The following TIMM44 variants were observed in gnomAD, a reference collection of about 807,000 sequenced individuals.
The protein encoded by TIMM44 is mitochondrial import inner membrane translocase subunit TIM44.
A neutral mutation model predicts 63.8 loss-of-function variants in TIMM44; 37 were observed. The ratio of observed to expected loss-of-function variants is 0.58; its 90% CI spans 0.45 to 0.76. TIMM44 has a LOEUF of 0.76. Ranked by LOEUF, TIMM44 falls within the 30% of genes least tolerant of loss-of-function variation. The pLI is 0.00. For synonymous variants in TIMM44, 239 were observed against 245.1 expected, an observed-to-expected ratio of 0.98 and a Z score of 0.23; for missense variants, 573 against 603.8, an observed-to-expected ratio of 0.95 and a Z score of 0.54.
intron 2 of TIMM44, among the ~76,000 whole-genome samples, chr19:7,940,019 T>G (rs990171943): frequency 6.6e-6 from 1 of 152,154 alleles, no homozygotes. Flanking sequence ...GTATACCAGC[T>G]CCAGGTGGGA....
In TIMM44 at chr19:7,942,999, C is replaced by T. The variant is rs944080830; in HGVS notation, c.45+608G>A. On this transcript the variant is annotated intron_variant, in intron 1 of 12. Transcript: ENST00000270538. ...AAGTTGCAGTGAGCCGAGATCGCGC[C>T]ATTGCACTCCAGACTGGGCGACAAG... 8.4e-5 allele frequency among the ~76,000 whole-genome samples: 12 copies of T among 143,118 alleles called. No individual in the cohort carries two copies. In the East Asian group the frequency reaches 2.4e-3, roughly 28 times the overall value. 93.9% of individuals were successfully genotyped at this position (143,118 alleles called of 152,430 possible).
At position 7,933,356 on chromosome 19, in the gene TIMM44, G is replaced by A. The variant is rs558581396; in HGVS notation, c.769+129C>T. On this transcript the variant is annotated intron_variant, in intron 7 of 12. Coordinates refer to ENST00000270538, the MANE Select transcript of TIMM44 (RefSeq NM_006351.4). This position sits in a 1 kb window ranked among gnomAD's most constrained non-coding sequence, Gnocchi z 4.3. ...ATCATGTGACCGCAAAGAAGTGACC[G>A]GCCCACTCTGACCCCGATCTCCTCC... 23 of 856,640 alleles carry A rather than the reference G, an allele frequency of 2.7e-5. No individual in the cohort carries two copies. Among genetic ancestry groups the A allele is most frequent in the East Asian group, 1.7e-4 (7 of 41,520 alleles). The allele number at this position is 856,640 out of a possible 1,614,324, so 53.1% of individuals were successfully genotyped here.
chr19:7,932,758 G>A lies in TIMM44; in HGVS notation c.863-7C>T, dbSNP rs1446122391. The A allele has an allele frequency of 6.2e-7, 1 of 1,614,078 alleles. No homozygotes were observed. The highest frequency in any genetic ancestry group is 8.5e-7 in the Non-Finnish European group (1 of 1,179,990). On this transcript the variant is annotated splice_region_variant and splice_polypyrimidine_tract_variant and intron_variant, in intron 8 of 12. Transcript: ENST00000270538. ...GTCTTGGAGAACAGGCCCCCTGCAG[G>A]GAGCAGAGCCGGGAGTTCGGGGGGA...
At position 7,934,311 on chromosome 19, in the gene TIMM44, A is replaced by T; in HGVS notation, c.394-73T>A. On this transcript the variant is annotated intron_variant, in intron 4 of 12. Coordinates refer to ENST00000270538, the MANE Select transcript of TIMM44 (RefSeq NM_006351.4). This position sits in a 1 kb window ranked among gnomAD's most constrained non-coding sequence, Gnocchi z 5.3. ...CCGGGGGGCGGGGCAGGAGGAATGA[A>T]TTCCTGCCGGAGAGAAGGGCGGATC... 1 of 1,574,684 alleles carries T rather than the reference A, an allele frequency of 6.4e-7. No individual in the cohort carries two copies. The highest frequency in any genetic ancestry group is 2.2e-5 in the East Asian group (1 of 44,730).
chr19:7,937,344 G>T (rs1984184798), intron 3 of TIMM44, among the ~76,000 whole-genome samples: 1 of 152,230 alleles, frequency 6.6e-6, no homozygotes, highest in Non-Finnish European at 1.5e-5. Context: ...GAGGGCTACA[G>T]CTGGGAGCTC....
Position 7,933,425 on chromosome 19 carries a change from C to G in TIMM44, c.769+60G>C, listed in dbSNP as rs781472835. 7 of 1,482,800 alleles carry G rather than the reference C, an allele frequency of 4.7e-6. No homozygotes were observed. Among genetic ancestry groups the G allele is most frequent in the Non-Finnish European group, 6.6e-6 (7 of 1,060,104 alleles). The allele number at this position is 1,482,800 out of a possible 1,614,324, so 91.9% of individuals were successfully genotyped here. A position where few individuals can be genotyped will look rare whatever the true frequency, so the allele number is the denominator to read the frequency against. The stretch of plus-strand genomic sequence containing the variant: ...CTTGTGCCCAATGCAGGGGGATCAC[C>G]TTGCGGTCCACCAACTGCCCGGGAC... On this transcript the variant is annotated intron_variant, in intron 7 of 12. Transcript: ENST00000270538. This position sits in a 1 kb window ranked among gnomAD's most constrained non-coding sequence, Gnocchi z 4.3.
chr19:7,927,327 G>A lies in TIMM44; in HGVS notation c.1240-21C>T, dbSNP rs535883051. 2.9e-5 allele frequency: 46 copies of A among 1,608,246 alleles called. No homozygotes were observed. The South Asian group carries it at 4.4e-4, about 15-fold the overall frequency. On this transcript the variant is annotated intron_variant, in intron 12 of 12. Coordinates refer to ENST00000270538, the MANE Select transcript of TIMM44 (RefSeq NM_006351.4). ...TTGTCCTGCAGGGTGGGGTGGGAAG[G>A]GCACTGTTGAGAGGGTTGAGGTGAC...
In TIMM44 at chr19:7,934,259, A is replaced by G. The variant is rs751731953; in HGVS notation, c.394-21T>C. ...AGGCTCTACTGAGACAGACACAGAG[A>G]GGGGGCGTTGGCACCGGCCCTGGCG... is the stretch of plus-strand genomic sequence containing the variant. On this transcript the variant is annotated intron_variant, in intron 4 of 12. Coordinates refer to ENST00000270538, the MANE Select transcript of TIMM44 (RefSeq NM_006351.4). This position sits in a 1 kb window ranked among gnomAD's most constrained non-coding sequence, Gnocchi z 5.3. 1 of 1,609,712 alleles carries G rather than the reference A, an allele frequency of 6.2e-7. No individual in the cohort carries two copies. Among genetic ancestry groups the G allele is most frequent in the Non-Finnish European group, 8.5e-7 (1 of 1,179,918 alleles).
chr19:7,932,486 A>C, intron 9 of TIMM44, 141 bp downstream of exon 9: 1 of 1,204,086 alleles, frequency 8.3e-7, no homozygotes, highest in South Asian at 1.4e-5. Flanking sequence ...GCCGGGCAGG[A>C]GCCCGTGTGC....
At chr19:7,927,548 C>T in intron 12 of TIMM44, 109 bp downstream of exon 12, 4 of 1,232,934 alleles carry the variant, frequency 3.2e-6, no homozygotes, top group Non-Finnish European at 4.7e-6. Flanking sequence ...CATCCCCACC[C>T]AGTCCCAGAG....
Position 7,934,283 on chromosome 19 carries a change from C to A in TIMM44, c.394-45G>T. ...GAGGGGGCGTTGGCACCGGCCCTGG[C>A]GGCCGGGGGGCGGGGCAGGAGGAAT... is the stretch of plus-strand genomic sequence containing the variant. On this transcript the variant is annotated intron_variant, in intron 4 of 12. Transcript: ENST00000270538. This position sits in a 1 kb window ranked among gnomAD's most constrained non-coding sequence, Gnocchi z 5.3. 2 of 1,604,596 alleles carry A rather than the reference C, an allele frequency of 1.2e-6. No individual in the cohort carries two copies. Among genetic ancestry groups the A allele is most frequent in the Non-Finnish European group, 8.5e-7 (1 of 1,179,120 alleles).
chr19:7,933,186 T>TAACATATG lies in TIMM44; in HGVS notation c.770-255_770-254insCATATGTT, dbSNP rs1984038235. Among the ~76,000 whole-genome samples, 6 of 152,274 alleles carry TAACATATG rather than the reference T, an allele frequency of 3.9e-5. No individual in the cohort carries two copies. Among genetic ancestry groups the TAACATATG allele is most frequent in the Middle Eastern group, 3.4e-3 (1 of 294 alleles). On this transcript the variant is annotated intron_variant, in intron 7 of 12. Coordinates refer to ENST00000270538, the MANE Select transcript of TIMM44 (RefSeq NM_006351.4). The surrounding 1 kb of genome is among the most constrained non-coding windows in gnomAD (Gnocchi z 4.3). ...TGTAAGTTATGGGCCGCCACCCCAC[T>TAACATATG]GGCTGTTGCTTTCACTACAAAGGAA...
chr19:7,932,455 A>G (rs1344401709), intron 9 of TIMM44, 172 bp downstream of exon 9: 6 of 878,240 alleles, frequency 6.8e-6, no homozygotes, highest in Non-Finnish European at 1.0e-5. Context: ...GGCTTCGGGC[A>G]CAGCTCATGG....
intron 10 of TIMM44, among the ~76,000 whole-genome samples, chr19:7,929,139 G>T (rs867046196): frequency 1.3e-5 from 2 of 152,158 alleles, no homozygotes; most frequent in Admixed American, 6.5e-5. Flanking sequence ...ACAGGTCGGG[G>T]AGCGAATAGG....
rs138385134 is a variant in TIMM44 at position 7,927,274 on chromosome 19, C to G, written c.1272G>C (p.Ala424=). Reference sequence around the variant, plus strand: ...TGAGCTCGTCCTGGTCTCGGCAGAGCGCCCACACGTACAGCATCCGCAGCA... The same window carrying G: ...TGAGCTCGTCCTGGTCTCGGCAGAGGGCCCACACGTACAGCATCCGCAGCA... ...DKVLRMLYVW[A]LCRDQDELNP... Residue 424 remains alanine, a synonymous_variant, in exon 13 of 13, where the codon GCG becomes GCC. Transcript: ENST00000270538. 6.2e-7 allele frequency: 1 copy of G among 1,611,882 alleles called. No homozygotes were observed. Among genetic ancestry groups the G allele is most frequent in the Non-Finnish European group, 8.5e-7 (1 of 1,179,958 alleles).
At chr19:7,937,922 G>A (rs1254387361) in intron 3 of TIMM44, 105 bp downstream of exon 3, 1 of 1,386,668 alleles carries the variant, frequency 7.2e-7, no homozygotes, top group Non-Finnish European at 1.0e-6. Flanking sequence ...GGAGGCTGAG[G>A]CAGGGGAATC....
Position 7,941,133 on chromosome 19 carries a change from T to C in TIMM44, c.110A>G (p.Gln37Arg). 3 of 1,614,118 alleles carry C rather than the reference T, an allele frequency of 1.9e-6. No homozygotes were observed. Among genetic ancestry groups the C allele is most frequent in the Non-Finnish European group, 2.5e-6 (3 of 1,180,012 alleles). The change falls in exon 2 of 13, where the codon CAG (glutamine) becomes CGG (arginine). Residue 37 changes from glutamine (Q) to arginine (R), a missense_variant. By Grantham distance (43) the Gln-to-Arg change is conservative. Transcript: ENST00000270538. ...SHNLPHGSTY[Q>R]MRRPGGELPL... ...CAGCTCTCCGCCCGGCCGGCGCATCTGATAGGTCGACCCATGGGGTAGGTT... is the reference window on the plus strand; with the variant it reads ...CAGCTCTCCGCCCGGCCGGCGCATCCGATAGGTCGACCCATGGGGTAGGTT...
rs9676335 is a variant in TIMM44, at chr19:7,934,320, G to A, written c.394-82C>T. 6.3e-4 allele frequency: 983 copies of A among 1,555,064 alleles called. 2 individuals are homozygous for A. The African/African-American group carries it at 0.01, about 16-fold the overall frequency. On this transcript the variant is annotated intron_variant, in intron 4 of 12. Transcript: ENST00000270538. This position sits in a 1 kb window ranked among gnomAD's most constrained non-coding sequence, Gnocchi z 5.3. ...GGGGCAGGAGGAATGAATTCCTGCCGGAGAGAAGGGCGGATCTGGTTCCCC... is the reference window on the plus strand; with the variant it reads ...GGGGCAGGAGGAATGAATTCCTGCCAGAGAGAAGGGCGGATCTGGTTCCCC...
chr19:7,937,443 G>T (rs543876567), intron 3 of TIMM44, among the ~76,000 whole-genome samples: 1 of 152,332 alleles, frequency 6.6e-6, no homozygotes, highest in Non-Finnish European at 1.5e-5. Context: ...TTGGGAGGGT[G>T]TGAGCCTCTG....
Sources: allele counts gnomAD v4.1 joint callset (sites outside exome capture counted in the v4.1 genomes callset), GRCh38; gene constraint gnomAD v4.1.1; non-coding constraint Gnocchi (gnomAD v3.1); transcripts MANE v1.5; gene names NCBI Gene and HGNC (gene_info 2026-07-23, HGNC 2026-07-21).